Variants in MAPT observed in about 807,000 individuals in gnomAD.
MAPT encodes the protein microtubule-associated protein tau.
Under a neutral mutation model 67.9 loss-of-function variants are expected in MAPT, and 34 were observed. The ratio of observed to expected loss-of-function variants is 0.50; its 90% CI spans 0.38 to 0.67. MAPT has a LOEUF of 0.67. MAPT is among the 30% of genes least tolerant of loss of function. The pLI is 0.00. For synonymous variants in MAPT, 456 were observed against 464.5 expected, an observed-to-expected ratio of 0.98 and a Z score of 0.23; for missense variants, 881 against 1,115.2, an observed-to-expected ratio of 0.79 and a Z score of 2.99.
chr17:46,006,534 A>C (rs915283433), intron 9 of MAPT, among the ~76,000 whole-genome samples: 2 of 152,182 alleles, frequency 1.3e-5, no homozygotes, highest in African/African-American at 4.8e-5. Flanking sequence ...GGGTGACGAC[A>C]GCCAACAGTA....
intron 5 of MAPT, among the ~76,000 whole-genome samples, chr17:45,984,220 A>G (rs1272509097): frequency 1.3e-5 from 2 of 151,204 alleles, no homozygotes; most frequent in Non-Finnish European, 1.5e-5. Context: ...TTTGTCCACA[A>G]CGGCCCATCA....
rs187760483 is a variant in MAPT at position 45,993,950 on chromosome 17, C to T, written c.1732+2364C>T. 520 of 1,576,914 alleles carry T rather than the reference C, an allele frequency of 3.3e-4. 4 individuals carry two copies. In the African/African-American group the frequency reaches 6.4e-3, roughly 19 times the overall value. On this transcript the variant is annotated intron_variant, in intron 8 of 12. Transcript: ENST00000262410. The stretch of plus-strand genomic sequence containing the variant: ...GACTAAGCAAGTCCAGAGAAGACCA[C>T]CCCCTGCAGGGCCCAGATCTGAGAG...
At chr17:45,938,539 C>T (rs1206593201) in intron 1 of MAPT, among the ~76,000 whole-genome samples, 1 of 152,180 alleles carries the variant, frequency 6.6e-6, no homozygotes, top group African/African-American at 2.4e-5. Flanking sequence ...TCTACAACCC[C>T]AATTCCTCTT....
chr17:45,968,826 T>C (rs116204525), intron 2 of MAPT, among the ~76,000 whole-genome samples: 7,656 of 152,298 alleles, frequency 0.05, 239 homozygotes, highest in Middle Eastern at 0.15. Flanking sequence ...TCACTGCCAC[T>C]TATTGGGGAC....
In MAPT at chr17:45,983,767, T is replaced by C; in HGVS notation, c.1188T>C (p.His396=). The change falls in exon 5 of 13, where the codon CAT becomes CAC. Residue 396 remains histidine, a synonymous_variant. Transcript: ENST00000262410. ...VQKEQAHSEE[H]LGRAAFPGAP... is the part of the protein sequence containing the mutation. ...AGGAGCAGGCGCACTCGGAGGAGCATTTGGGAAGGGCTGCATTTCCAGGGG... is the reference window on the plus strand; with the variant it reads ...AGGAGCAGGCGCACTCGGAGGAGCACTTGGGAAGGGCTGCATTTCCAGGGG... 6.2e-7 allele frequency: 1 copy of C among 1,614,006 alleles called. No homozygotes were observed. The highest frequency in any genetic ancestry group is 8.5e-7 in the Non-Finnish European group (1 of 1,179,962).
Position 45,996,435 on chromosome 17 carries a change from G to A in MAPT, c.1769G>A (p.Ser590Asn). 6.2e-7 allele frequency: 1 copy of A among 1,612,734 alleles called. No individual in the cohort carries two copies. Among genetic ancestry groups the A allele is most frequent in the Non-Finnish European group, 8.5e-7 (1 of 1,179,968 alleles). Residue 590 changes from serine (S) to asparagine (N), a missense_variant, in exon 9 of 13, where the codon AGC becomes AAC. Around this residue, in one of 6 missense-constraint regions of MAPT, gnomAD observed 33 missense variants for 76.0 expected, o/e 0.43. Transcript: ENST00000262410. The surrounding 1 kb of genome is among the most constrained non-coding windows in gnomAD (Gnocchi z 4.5). ...PPKSGDRSGY[S>N]SPGSPGTPGS... ...AAATCAGGGGATCGCAGCGGCTACAGCAGCCCCGGCTCCCCAGGCACTCCC... is the reference window on the plus strand; with the variant it reads ...AAATCAGGGGATCGCAGCGGCTACAACAGCCCCGGCTCCCCAGGCACTCCC...
At chr17:45,954,492 G>A (rs1363436336) in intron 1 of MAPT, among the ~76,000 whole-genome samples, 1 of 152,112 alleles carries the variant, frequency 6.6e-6, no homozygotes, top group African/African-American at 2.4e-5. Flanking sequence ...GCATGGTGGT[G>A]CACACCTGTG....
chr17:46,008,967 G>A (rs1392854240), intron 9 of MAPT, among the ~76,000 whole-genome samples: 2 of 152,224 alleles, frequency 1.3e-5, no homozygotes, highest in Admixed American at 6.5e-5. Context: ...GGAAGCCGAG[G>A]TGGGCTGATT....
At position 45,971,940 on chromosome 17, in the gene MAPT, C is replaced by T. The variant is rs771618879; in HGVS notation, c.215C>T (p.Ala72Val). 12 of 1,613,780 alleles carry T rather than the reference C, an allele frequency of 7.4e-6. No individual in the cohort carries two copies. Among genetic ancestry groups the T allele is most frequent in the Middle Eastern group, 1.6e-4 (1 of 6,084 alleles). Residue 72 changes from alanine (A) to valine (V), a missense_variant, in exon 3 of 13, where the codon GCG (alanine) becomes GTG (valine). Physicochemically the swap from Ala to Val is moderately conservative, Grantham distance 64. Coordinates refer to ENST00000262410, the MANE Select transcript of MAPT (RefSeq NM_001377265.1). The surrounding 1 kb of genome is among the most constrained non-coding windows in gnomAD (Gnocchi z 4.3). Reference sequence around the variant, plus strand: ...TCTGATGCTAAGAGCACTCCAACAGCGGAAGGTGGGCCCCCCTTCAGACGC... The same window carrying T: ...TCTGATGCTAAGAGCACTCCAACAGTGGAAGGTGGGCCCCCCTTCAGACGC... ...ETSDAKSTPT[A>V]EAEEAGIGDT...
At chr17:45,924,081 A>G (rs1228227675) in intron 1 of MAPT, among the ~76,000 whole-genome samples, 1 of 152,216 alleles carries the variant, frequency 6.6e-6, no homozygotes, top group African/African-American at 2.4e-5. Flanking sequence ...TCACAACCTT[A>G]CATTTCACAA....
intron 6 of MAPT, among the ~76,000 whole-genome samples, chr17:45,987,691 G>A (rs2073694581): frequency 6.6e-6 from 1 of 152,224 alleles, no homozygotes; most frequent in Admixed American, 6.5e-5. Context: ...AATCAGTACT[G>A]GAGCCCGGAG....
intron 1 of MAPT, among the ~76,000 whole-genome samples, chr17:45,900,461 C>T (rs1864325): frequency 0.14 from 21,832 of 152,276 alleles, 2,140 homozygotes; most frequent in Middle Eastern, 0.22. Context: ...CAGCAAAATA[C>T]AAACTCGAAC....
At position 45,915,785 on chromosome 17, in the gene MAPT, C is replaced by G. The variant is rs2144262723; in HGVS notation, c.-18+21099C>G. Among the ~76,000 whole-genome samples the G allele has an allele frequency of 1.3e-5, 2 of 152,206 alleles. No homozygotes were observed. The highest frequency in any genetic ancestry group is 6.8e-3 in the Middle Eastern group (2 of 294). On this transcript the variant is annotated intron_variant, in intron 1 of 12. Coordinates refer to ENST00000262410, the MANE Select transcript of MAPT (RefSeq NM_001377265.1). This position sits in a 1 kb window ranked among gnomAD's most constrained non-coding sequence, Gnocchi z 4.4. ...CAACCCAGACTAGCCCATGAGCCAC[C>G]CTGTTCCCTGCATTTCCAATGAGAC...
chr17:45,978,444 A>G lies in MAPT; in HGVS notation c.286+4A>G. 7.1e-7 allele frequency: 1 copy of G among 1,402,222 alleles called. No homozygotes were observed. The highest frequency in any genetic ancestry group is 9.7e-7 in the Non-Finnish European group (1 of 1,034,474). The allele number at this position is 1,402,222 out of a possible 1,614,324, so 86.9% of individuals were successfully genotyped here. On this transcript the variant is annotated splice_donor_region_variant and intron_variant, in intron 4 of 12. Coordinates refer to ENST00000262410, the MANE Select transcript of MAPT (RefSeq NM_001377265.1). ...GCTGCTGGTCACGTGACCCAAGGTC[A>G]GTGAACTGGAATTGCCTGCCATGAC...
At chr17:45,904,045 ATATATATTATATAT>A (rs1178386877) in intron 1 of MAPT, among the ~76,000 whole-genome samples, 300 of 15,090 alleles carry the variant, frequency 0.02, 17 homozygotes, top group African/African-American at 0.032. Context: ...TTATATATTT[ATATATATTATATAT>A]TATATATTAT....
intron 11 of MAPT, among the ~76,000 whole-genome samples, chr17:46,016,434 C>T (rs2076184301): frequency 6.6e-6 from 1 of 151,452 alleles, no homozygotes; most frequent in East Asian, 1.9e-4. Context: ...AGTGATCCTA[C>T]TGGAACCATG....
chr17:45,920,573 G>T (rs2065611753), intron 1 of MAPT, among the ~76,000 whole-genome samples: 1 of 152,172 alleles, frequency 6.6e-6, no homozygotes, highest in South Asian at 2.1e-4. Flanking sequence ...CTCCAACTCT[G>T]TGGCTGTGTT....
chr17:45,991,664 GCCA>G, intron 8 of MAPT, 78 bp downstream of exon 8: 1 of 1,606,386 alleles, frequency 6.2e-7, no homozygotes, highest in African/African-American at 1.3e-5. Context: ...GAGGCCTTAG[GCCA>G]CTGAGAATGA....
intron 7 of MAPT, among the ~76,000 whole-genome samples, chr17:45,990,332 G>A (rs1158607079): frequency 1.3e-5 from 2 of 152,126 alleles, no homozygotes; most frequent in African/African-American, 4.8e-5. Context: ...GCTACTCTAA[G>A]GCTGGGCACG....
Sources: gnomAD v4.1 joint callset for allele counts (sites outside exome capture counted in the v4.1 genomes callset) on GRCh38, gnomAD v4.1.1 for gene constraint, gnomAD v4.1.1 regional missense constraint, Gnocchi (gnomAD v3.1) non-coding constraint, MANE v1.5 for transcripts, NCBI Gene and HGNC (gene_info 2026-07-23, HGNC 2026-07-21) for gene names.